Variants in TCAF1 observed in about 807,000 individuals in gnomAD.
TCAF1 encodes the protein TRPM8 channel-associated factor 1.
TCAF1 carries 4 observed loss-of-function variants against 27.3 expected under a neutral mutation model. The observed-to-expected ratio is 0.15, with a 90% confidence interval of 0.07 to 0.34. The LOEUF is 0.34. Among genes scored for constraint, TCAF1 ranks in the 10% least tolerant of loss-of-function variants. TCAF1 has a pLI of 1.00. For missense variants in TCAF1, 257 were observed against 425.8 expected, an observed-to-expected ratio of 0.60 and a Z score of 3.49; for synonymous variants, 105 against 167.1, an observed-to-expected ratio of 0.63 and a Z score of 2.87.
At chr7:143,873,485 A>G (rs1812544517) in intron 2 of TCAF1, among the ~76,000 whole-genome samples, 1 of 147,352 alleles carries the variant, frequency 6.8e-6, no homozygotes, top group Admixed American at 6.9e-5. Context: ...CTGGGTGATG[A>G]GTACATGTGC....
At chr7:143,877,044 A>G (rs1468370168) in intron 1 of TCAF1, among the ~76,000 whole-genome samples, 1 of 152,198 alleles carries the variant, frequency 6.6e-6, no homozygotes, top group Non-Finnish European at 1.5e-5. Context: ...GGACATTTGG[A>G]AACACAGGGG....
chr7:143,887,302 C>G (rs185111073), intron 1 of TCAF1, among the ~76,000 whole-genome samples: 1 of 152,126 alleles, frequency 6.6e-6, no homozygotes, highest in Admixed American at 6.5e-5. Context: ...GAGCTCAATT[C>G]ATACCTTGAG....
At chr7:143,890,124 G>T (rs1366772208) in intron 1 of TCAF1, among the ~76,000 whole-genome samples, 1 of 151,984 alleles carries the variant, frequency 6.6e-6, no homozygotes, top group Non-Finnish European at 1.5e-5. Context: ...GAGTAGCTGG[G>T]ACTACAGGCA....
rs1811303717 is a variant in TCAF1 at position 143,851,792 on chromosome 7, A to C, written c.*2341T>G. ...CTCTAGTTCTTGTTCCATTAACTGA[A>C]GATCTTTTCATCCCCACTTTGAATA... On this transcript the variant is annotated 3_prime_UTR_variant, in exon 9 of 9. Coordinates refer to ENST00000479870, the MANE Select transcript of TCAF1 (RefSeq NM_014719.3). 6.6e-6 allele frequency: 1 copy of C among 152,072 alleles called. No individual in the cohort carries two copies. The highest frequency in any genetic ancestry group is 1.5e-5 in the Non-Finnish European group (1 of 68,030). The allele number at this position is 152,072 out of a possible 1,614,324, so 9.4% of individuals were successfully genotyped here.
At chr7:143,889,401 T>C (rs1242292427) in intron 1 of TCAF1, among the ~76,000 whole-genome samples, 1 of 152,200 alleles carries the variant, frequency 6.6e-6, no homozygotes. Context: ...GACATCTCAA[T>C]TGGTTCAGCT....
intron 1 of TCAF1, among the ~76,000 whole-genome samples, chr7:143,886,289 A>G (rs1813401260): frequency 1.3e-5 from 2 of 152,092 alleles, no homozygotes; most frequent in South Asian, 4.1e-4. Flanking sequence ...TTGTCCTGGG[A>G]CCAAACTGTT....
chr7:143,859,911 TTACGGAA>T lies in TCAF1; in HGVS notation c.2167+290_2167+296del, dbSNP rs1180921182. Among the ~76,000 whole-genome samples, 129 of 51,008 alleles carry T rather than the reference TTACGGAA, an allele frequency of 2.5e-3. 3 individuals are homozygous for T. The highest frequency in any genetic ancestry group is 3.7e-3 in the Non-Finnish European group (105 of 28,186). The allele number at this position is 51,008 out of a possible 152,430, so 33.5% of individuals were successfully genotyped here. ...TATAATATATATTATATAATATATA[TTACGGAA>T]TATATATTATATAATATATATTATA... On this transcript the variant is annotated intron_variant, in intron 6 of 8. Coordinates refer to ENST00000479870, the MANE Select transcript of TCAF1 (RefSeq NM_014719.3).
chr7:143,885,053 C>T (rs1474386919), intron 1 of TCAF1: 2 of 985,310 alleles, frequency 2.0e-6, no homozygotes, highest in Non-Finnish European at 2.4e-6. Context: ...TTGGCAGCCC[C>T]GCGTGCGCCC....
Position 143,876,425 on chromosome 7 carries a change from C to A in TCAF1, c.184G>T (p.Val62Leu). The A allele has an allele frequency of 1.2e-6, 2 of 1,611,822 alleles. No individual in the cohort carries two copies. Among genetic ancestry groups the A allele is most frequent in the Non-Finnish European group, 1.7e-6 (2 of 1,178,942 alleles). Reference sequence around the variant, plus strand: ...TCCACCAAGTAGTCCTCATGGGACACGACCACCAGGCGGCCACGGCCATAG... The same window carrying A: ...TCCACCAAGTAGTCCTCATGGGACAAGACCACCAGGCGGCCACGGCCATAG... ...SSYGRGRLVV[V>L]SHEDYLVEAQ... is the part of the protein sequence containing the mutation. Residue 62 changes from valine (V) to leucine (L), a missense_variant, in exon 2 of 9, where the codon GTG becomes TTG. By Grantham distance (32) the Val-to-Leu change is conservative (BLOSUM62 1). Around this residue, in one of 2 missense-constraint regions of TCAF1, gnomAD observed 255 missense variants for 260.1 expected, o/e 0.98. Coordinates refer to ENST00000479870, the MANE Select transcript of TCAF1 (RefSeq NM_014719.3).
intron 1 of TCAF1, among the ~76,000 whole-genome samples, chr7:143,884,328 T>C (rs1438247942): frequency 6.6e-6 from 1 of 152,094 alleles, no homozygotes; most frequent in Non-Finnish European, 1.5e-5. Context: ...GAAGGCCATG[T>C]AGATAGGTGA....
chr7:143,859,947 T>TATTATATA lies in TCAF1; in HGVS notation c.2167+260_2167+261insTATATAAT, dbSNP rs1563211551. ...ATATTATATAATATATATTATATAA[T>TATTATATA]ATATATTACGGAATATATATTATAT... On this transcript the variant is annotated intron_variant, in intron 6 of 8. Transcript: ENST00000479870. 4.9e-4 allele frequency among the ~76,000 whole-genome samples: 32 copies of TATTATATA among 65,426 alleles called. 2 individuals carry two copies. The highest frequency in any genetic ancestry group is 1.7e-3 in the African/African-American group (32 of 18,946). 42.9% of individuals were successfully genotyped at this position (65,426 alleles called of 152,430 possible). A position where few individuals can be genotyped will look rare whatever the true frequency, so the allele number is the denominator to read the frequency against.
At chr7:143,888,697 C>G (rs1408600548) in intron 1 of TCAF1, among the ~76,000 whole-genome samples, 1 of 152,180 alleles carries the variant, frequency 6.6e-6, no homozygotes, top group African/African-American at 2.4e-5. Context: ...ACATGCATAT[C>G]TTTTCTAGAG....
chr7:143,859,944 T>TAATATATATTATGG (rs1811843254), intron 6 of TCAF1, among the ~76,000 whole-genome samples: 3 of 57,836 alleles, frequency 5.2e-5, no homozygotes, highest in Non-Finnish European at 9.8e-5. Context: ...ATATATTATA[T>TAATATATATTATGG]AATATATATT....
intron 1 of TCAF1, among the ~76,000 whole-genome samples, chr7:143,900,905 C>A (rs976882068): frequency 6.6e-6 from 1 of 152,054 alleles, no homozygotes; most frequent in Non-Finnish European, 1.5e-5. Flanking sequence ...AATATAATGT[C>A]ATTATAATGA....
intron 2 of TCAF1, among the ~76,000 whole-genome samples, chr7:143,875,496 T>C (rs528762097): frequency 6.6e-6 from 1 of 152,138 alleles, no homozygotes; most frequent in Non-Finnish European, 1.5e-5. Flanking sequence ...TTAGCACATA[T>C]AACTTGAACC....
chr7:143,891,211 C>T (rs926422266), intron 1 of TCAF1, among the ~76,000 whole-genome samples: 11 of 152,092 alleles, frequency 7.2e-5, no homozygotes, highest in African/African-American at 2.7e-4. Flanking sequence ...TCAATCAAAA[C>T]CTTTATATTT....
At chr7:143,883,251 GTTTTTATAGGAAAAACAAACCCCGTATA>G (rs1813179473) in intron 1 of TCAF1, among the ~76,000 whole-genome samples, 1 of 152,008 alleles carries the variant, frequency 6.6e-6, no homozygotes, top group Non-Finnish European at 1.5e-5. Context: ...ATATGCTTTT[GTTTTTATAGGAAAAACAAACCCCGTATA>G]TATTTGTATT....
chr7:143,882,628 C>T (rs1476772668), intron 1 of TCAF1: 1 of 985,272 alleles, frequency 1.0e-6, no homozygotes, highest in Non-Finnish European at 1.2e-6. Context: ...GCGCCCCGCA[C>T]CCCCGCCCCG....
At position 143,867,476 on chromosome 7, in the gene TCAF1, T is replaced by C. The variant is rs1355396300; in HGVS notation, c.621-3680A>G. Among the ~76,000 whole-genome samples, 4 of 152,098 alleles carry C rather than the reference T, an allele frequency of 2.6e-5. No homozygotes were observed. In the East Asian group the frequency reaches 5.8e-4, roughly 22 times the overall value. On this transcript the variant is annotated intron_variant, in intron 2 of 8. Transcript: ENST00000479870. ...CAAAACAAAAACAAAGAAACATAGGTGGTCTCATTATTGGAATATAAGAGT... is the reference window on the plus strand; with the variant it reads ...CAAAACAAAAACAAAGAAACATAGGCGGTCTCATTATTGGAATATAAGAGT...
Sources: allele counts gnomAD v4.1 joint callset (sites outside exome capture counted in the v4.1 genomes callset), GRCh38; gene constraint gnomAD v4.1.1; regional missense constraint gnomAD v4.1.1; transcripts MANE v1.5; gene names NCBI Gene and HGNC (gene_info 2026-07-23, HGNC 2026-07-21).